The following MTR variants were observed in gnomAD, a reference collection of about 807,000 sequenced individuals.
MTR encodes methionine synthase.
Under a neutral mutation model 154.8 loss-of-function variants are expected in MTR, and 84 were observed. The observed-to-expected ratio is 0.54, with a 90% CI of 0.45 to 0.65. The LOEUF (loss-of-function observed/expected upper bound fraction) is 0.65, where lower values mean the gene tolerates loss of function less well. Among genes scored for constraint, MTR ranks in the 30% least tolerant of loss-of-function variants. The probability of loss-of-function intolerance (pLI) is 0.00; values close to 1 mark genes in which losing one functional copy is unlikely to be tolerated. For synonymous variants in MTR, 554 were observed against 553.9 expected (o/e 1.00, Z 0.00); for missense variants, 1,275 against 1,570.2 (o/e 0.81, Z 3.18).
At chr1:236,807,541 A>G (rs376357073) in intron 3 of MTR, among the ~76,000 whole-genome samples, 4 of 152,236 alleles carry the variant, frequency 2.6e-5, no homozygotes, top group African/African-American at 9.6e-5. Context: ...CCTCACCACC[A>G]TTTATTTTCT....
intron 14 of MTR, among the ~76,000 whole-genome samples, chr1:236,837,174 C>G (rs1408345382): frequency 6.6e-6 from 1 of 152,156 alleles, no homozygotes; most frequent in Non-Finnish European, 1.5e-5. Context: ...AAATACAAGC[C>G]GATACACTGG....
intron 8 of MTR, among the ~76,000 whole-genome samples, chr1:236,820,848 T>A (rs1478645432): frequency 6.6e-6 from 1 of 152,252 alleles, no homozygotes; most frequent in Non-Finnish European, 1.5e-5. Context: ...TTAGCCATTC[T>A]AATAGGTGTA....
Position 236,902,668 on chromosome 1 carries a change from A to T in MTR, c.*5024A>T, listed in dbSNP as rs928528770. The T allele has an allele frequency of 2.0e-5, 3 of 152,188 alleles. No individual in the cohort carries two copies. Among genetic ancestry groups the T allele is most frequent in the Non-Finnish European group, 2.9e-5 (2 of 68,080 alleles). The allele number at this position is 152,188 out of a possible 1,614,324, so 9.4% of individuals were successfully genotyped here. A position where few individuals can be genotyped will look rare whatever the true frequency, so the allele number is the denominator to read the frequency against. ...TTGTTCACTCCATCAAGCCTTGTTA[A>T]ATGAGTTCGGGGCGGGGGGAGCATG... is the stretch of plus-strand genomic sequence containing the variant. On this transcript the variant is annotated 3_prime_UTR_variant, in exon 33 of 33. Coordinates refer to ENST00000366577, the MANE Select transcript of MTR (RefSeq NM_000254.3).
intron 24 of MTR, 75 bp downstream of exon 24, chr1:236,874,921 GTGT>G: frequency 6.6e-7 from 1 of 1,526,338 alleles, no homozygotes; most frequent in Admixed American, 1.7e-5. Flanking sequence ...TGGGAAACCT[GTGT>G]TGTTTTGGAT....
At chr1:236,836,006 C>T (rs1662884831) in intron 14 of MTR, among the ~76,000 whole-genome samples, 2 of 152,130 alleles carry the variant, frequency 1.3e-5, no homozygotes, top group African/African-American at 4.8e-5. Flanking sequence ...ATCATTGGCT[C>T]TATTTCTACC....
chr1:236,825,140 A>ATTTTTTTTTTTTTT (rs749672025), intron 9 of MTR, among the ~76,000 whole-genome samples, 198 bp from the exon 10 acceptor site: 34 of 114,118 alleles, frequency 3.0e-4, no homozygotes, highest in African/African-American at 1.2e-3. Flanking sequence ...TTCCTCTGTG[A>ATTTTTTTTTTTTTT]TTTTTTTTTT....
chr1:236,843,548 T>C (rs1257131589), intron 15 of MTR, among the ~76,000 whole-genome samples: 1 of 152,218 alleles, frequency 6.6e-6, no homozygotes, highest in Admixed American at 6.5e-5. Context: ...TGTTTAAACC[T>C]CTCTGGTTCT....
chr1:236,880,762 A>G lies in MTR; in HGVS notation c.2602A>G (p.Thr868Ala), dbSNP rs775964876. 1 of 1,614,060 alleles carries G rather than the reference A, an allele frequency of 6.2e-7. No homozygotes were observed. Reference protein sequence around the residue: ...IGGATTSKTHTAVKIAPRYSA... With the variant: ...IGGATTSKTHAAVKIAPRYSA... Reference sequence around the variant, plus strand: ...TCTGACCCTTCTTTTTAGAACCCACACAGCAGTTAAAATAGCTCCGAGATA... The same window carrying G: ...TCTGACCCTTCTTTTTAGAACCCACGCAGCAGTTAAAATAGCTCCGAGATA... Residue 868 changes from threonine (T) to alanine (A), a missense_variant, in exon 25 of 33, where the codon ACA becomes GCA. Coordinates refer to ENST00000366577, the MANE Select transcript of MTR (RefSeq NM_000254.3).
chr1:236,887,737 G>A (rs565299966), intron 27 of MTR, among the ~76,000 whole-genome samples: 2 of 152,344 alleles, frequency 1.3e-5, no homozygotes, highest in East Asian at 1.9e-4. Context: ...TCTGAAATAT[G>A]TCTTGAGGAC....
intron 27 of MTR, among the ~76,000 whole-genome samples, chr1:236,888,411 T>TA (rs1189848166): frequency 1.3e-5 from 2 of 152,214 alleles, no homozygotes; most frequent in African/African-American, 4.8e-5. Context: ...TTATTTAAAT[T>TA]ATGATGTATT....
intron 1 of MTR, among the ~76,000 whole-genome samples, chr1:236,799,294 GTT>G (rs1553309456): frequency 1.4e-5 from 2 of 141,062 alleles, no homozygotes. Flanking sequence ...GCTAATTTTT[GTT>G]TTTTTTTTTT....
intron 11 of MTR, 66 bp from the exon 12 acceptor site, chr1:236,829,123 A>C (rs1662463239): frequency 7.9e-7 from 1 of 1,263,698 alleles, no homozygotes; most frequent in African/African-American, 1.5e-5. Context: ...ATTAGTTTTG[A>C]AATTAGTTTC....
chr1:236,809,444 G>C (rs1324324581), intron 4 of MTR, among the ~76,000 whole-genome samples: 16 of 152,190 alleles, frequency 1.1e-4, no homozygotes, highest in Non-Finnish European at 4.4e-5. Context: ...ACTTGGAAAC[G>C]TGAAGTTATT....
chr1:236,880,184 T>C (rs1665647694), intron 24 of MTR, among the ~76,000 whole-genome samples: 1 of 151,986 alleles, frequency 6.6e-6, no homozygotes, highest in Admixed American at 6.6e-5. Flanking sequence ...AAAATAAAAA[T>C]ATTTTTCTTG....
At position 236,879,390 on chromosome 1, in the gene MTR, G is replaced by C. The variant is rs537077520; in HGVS notation, c.2595-1365G>C. Among the ~76,000 whole-genome samples, 7 of 152,288 alleles carry C rather than the reference G, an allele frequency of 4.6e-5. No homozygotes were observed. The South Asian group carries it at 1.0e-3, about 23-fold the overall frequency. On this transcript the variant is annotated intron_variant, in intron 24 of 32. Coordinates refer to ENST00000366577, the MANE Select transcript of MTR (RefSeq NM_000254.3). Reference sequence around the variant, plus strand: ...ATTAAATATAGTGTTCTGCTACTTTGTTTCTTTCTCATATAATAGCATATT... The same window carrying C: ...ATTAAATATAGTGTTCTGCTACTTTCTTTCTTTCTCATATAATAGCATATT...
At chr1:236,852,924 C>A in intron 17 of MTR, 24 bp from the exon 18 acceptor site, 1 of 1,613,676 alleles carries the variant, frequency 6.2e-7, no homozygotes, top group East Asian at 2.2e-5. Context: ...TGTAAATTCT[C>A]ATTTTTATTT....
chr1:236,899,956 G>C lies in MTR; in HGVS notation c.*2312G>C. The C allele has an allele frequency of 5.2e-6, 1 of 192,278 alleles. No homozygotes were observed. The highest frequency in any genetic ancestry group is 1.1e-5 in the Non-Finnish European group (1 of 90,208). The allele number at this position is 192,278 out of a possible 1,614,324, so 11.9% of individuals were successfully genotyped here. ...CCAGTTGTTAGATCTGTAGGGACTT[G>C]TACAACATTGTGGATGTGTAAACAG... On this transcript the variant is annotated 3_prime_UTR_variant, in exon 33 of 33. Transcript: ENST00000366577.
chr1:236,852,395 G>A (rs1282291150), intron 16 of MTR, 126 bp from the exon 17 acceptor site: 13 of 757,548 alleles, frequency 1.7e-5, no homozygotes, highest in Non-Finnish European at 3.0e-5. Context: ...AAGAAGCTCT[G>A]AATTACTTTG....
chr1:236,880,969 G>A (rs1394266344), intron 25 of MTR, 133 bp downstream of exon 25: 1 of 896,494 alleles, frequency 1.1e-6, no homozygotes, highest in Non-Finnish European at 1.8e-6. Context: ...TGAGGCTCAT[G>A]GTGTGCCTCT....
Sources: gnomAD v4.1 joint callset for allele counts (sites outside exome capture counted in the v4.1 genomes callset) on GRCh38, gnomAD v4.1.1 for gene constraint, MANE v1.5 for transcripts, NCBI Gene and HGNC (gene_info 2026-07-23, HGNC 2026-07-21) for gene names.